TOMM7: variants seen among roughly 807,000 people sequenced by gnomAD.
TOMM7 encodes the protein translocase of outer mitochondrial membrane 7, also known as mitochondrial import receptor subunit TOM7 homolog.
A neutral mutation model predicts 9.5 loss-of-function variants in TOMM7; 8 were observed. The observed-to-expected ratio is 0.84, with a 90% confidence interval of 0.49 to 1.51. TOMM7 has a LOEUF of 1.51. Ranked by LOEUF, TOMM7 falls within the 40% of genes most tolerant of loss-of-function variation. The pLI is 0.00. For synonymous variants in TOMM7, 27 were observed against 21.4 expected (o/e 1.26, Z -0.72); for missense variants, 74 against 63.7 (o/e 1.16, Z -0.55).
intron 2 of TOMM7, among the ~76,000 whole-genome samples, chr7:22,813,476 G>A (rs1360325160): frequency 6.6e-6 from 1 of 152,160 alleles, no homozygotes; most frequent in South Asian, 2.1e-4. Flanking sequence ...TCCATTAACA[G>A]GTAGGCCTGA....
chr7:22,818,871 C>CA (rs71550499), intron 1 of TOMM7, among the ~76,000 whole-genome samples: 34,525 of 151,964 alleles, frequency 0.23, 4,308 homozygotes, highest in Middle Eastern at 0.34. Flanking sequence ...CTCAGCCTCT[C>CA]AAAGTGCTGG....
intron 2 of TOMM7, 48 bp from the exon 3 acceptor site, chr7:22,813,233 AT>A: frequency 1.3e-6 from 2 of 1,579,576 alleles, no homozygotes; most frequent in Non-Finnish European, 1.7e-6. Context: ...CGAAATAAAA[AT>A]CTTCTAGACA....
At chr7:22,821,576 C>G (rs182909506) in intron 1 of TOMM7, among the ~76,000 whole-genome samples, 1 of 151,940 alleles carries the variant, frequency 6.6e-6, no homozygotes. Context: ...AAGCAAAACC[C>G]CGTCTCTACT....
At chr7:22,819,954 C>A (rs1782365868) in intron 1 of TOMM7, among the ~76,000 whole-genome samples, 1 of 152,138 alleles carries the variant, frequency 6.6e-6, no homozygotes, top group Non-Finnish European at 1.5e-5. Flanking sequence ...CTCCCTGAAG[C>A]ACTGAAAGTT....
At chr7:22,818,270 C>A in intron 1 of TOMM7, 2 of 448,736 alleles carry the variant, frequency 4.5e-6, no homozygotes, top group Non-Finnish European at 8.2e-6. Flanking sequence ...AACAAGCTAT[C>A]TTATTCCTTT....
At chr7:22,817,293 C>T (rs1395908464) in intron 2 of TOMM7, 1 of 153,534 alleles carries the variant, frequency 6.5e-6, no homozygotes, top group East Asian at 1.9e-4. Context: ...AAGATCATTT[C>T]TGAGAAAGGA....
At chr7:22,822,226 C>A in intron 1 of TOMM7, 2 of 1,550,896 alleles carry the variant, frequency 1.3e-6, no homozygotes, top group Non-Finnish European at 1.7e-6. Flanking sequence ...AGGCATCCAA[C>A]GACTATTATT....
At position 22,818,000 on chromosome 7, in the gene TOMM7, C is replaced by A; in HGVS notation, c.152G>T (p.Ser51Ile). ...AAATGTTTAGTTTTAAGAGCAGTAC[C>A]TCAAAACAGTTGGTTCAGGCATTCC... is the stretch of plus-strand genomic sequence containing the variant. The part of the protein sequence containing the change: ...DPGMPEPTVL[S>I]LLWG The change falls in exon 2 of 3, where the codon AGC becomes ATC. Residue 51 changes from serine (S) to isoleucine (I), a missense_variant and splice_region_variant. Physicochemically the swap from Ser to Ile is moderately radical, Grantham distance 142 (BLOSUM62 -2). Coordinates refer to ENST00000358435, the MANE Select transcript of TOMM7 (RefSeq NM_019059.5). 1 of 1,613,820 alleles carries A rather than the reference C, an allele frequency of 6.2e-7. No individual in the cohort carries two copies.
intron 2 of TOMM7, among the ~76,000 whole-genome samples, chr7:22,816,508 G>GA (rs1782318838): frequency 6.6e-6 from 1 of 152,232 alleles, no homozygotes. Context: ...ACTTAGTGGG[G>GA]AATCTCTGAA....
At chr7:22,822,244 T>C (rs1782403231) in intron 1 of TOMM7, 6 of 1,550,886 alleles carry the variant, frequency 3.9e-6, no homozygotes, top group Non-Finnish European at 5.2e-6. Context: ...ATTATAATCA[T>C]GCTTTCATGG....
intron 1 of TOMM7, among the ~76,000 whole-genome samples, chr7:22,818,637 A>G (rs9647993): frequency 0.11 from 17,330 of 152,154 alleles, 1,091 homozygotes; most frequent in Non-Finnish European, 0.14. Flanking sequence ...CCTATTATAT[A>G]CACAATTGGC....
chr7:22,814,588 C>A (rs1415347383), intron 2 of TOMM7, among the ~76,000 whole-genome samples: 1 of 152,094 alleles, frequency 6.6e-6, no homozygotes, highest in Admixed American at 6.6e-5. Context: ...TCTTGCTCAG[C>A]CTTATGCAGA....
intron 2 of TOMM7, among the ~76,000 whole-genome samples, chr7:22,815,057 C>A (rs1238582026): frequency 6.6e-6 from 1 of 152,172 alleles, no homozygotes; most frequent in Non-Finnish European, 1.5e-5. Flanking sequence ...GGCACTCACT[C>A]ACTCAATTCT....
chr7:22,821,694 G>A (rs1340922172), intron 1 of TOMM7, among the ~76,000 whole-genome samples: 1 of 151,932 alleles, frequency 6.6e-6, no homozygotes, highest in Non-Finnish European at 1.5e-5. Flanking sequence ...AGATTGCGGT[G>A]GGCAGAGATC....
At chr7:22,820,231 CAAT>C (rs1287134422) in intron 1 of TOMM7, among the ~76,000 whole-genome samples, 1 of 152,128 alleles carries the variant, frequency 6.6e-6, no homozygotes, top group African/African-American at 2.4e-5. Flanking sequence ...AAGGAAAAGA[CAAT>C]GATAGACAAG....
intron 1 of TOMM7, among the ~76,000 whole-genome samples, chr7:22,821,783 G>C (rs1293757228): frequency 6.6e-6 from 1 of 151,860 alleles, no homozygotes; most frequent in Non-Finnish European, 1.5e-5. Flanking sequence ...GAAAAGAAAA[G>C]AAAAAACTAC....
chr7:22,817,899 G>A (rs955987562), intron 2 of TOMM7, 101 bp downstream of exon 2: 2 of 1,128,200 alleles, frequency 1.8e-6, no homozygotes. Flanking sequence ...GACTGATAAA[G>A]CTCCATTTCA....
chr7:22,818,240 C>T (rs1465315522), intron 1 of TOMM7, 192 bp from the exon 2 acceptor site: 3 of 529,416 alleles, frequency 5.7e-6, no homozygotes, highest in Non-Finnish European at 6.9e-6. Flanking sequence ...AAATTATGTC[C>T]AGGACTAATC....
chr7:22,819,031 G>A (rs1472948623), intron 1 of TOMM7, among the ~76,000 whole-genome samples: 1 of 151,524 alleles, frequency 6.6e-6, no homozygotes, highest in Non-Finnish European at 1.5e-5. Flanking sequence ...CGGGGGGGTT[G>A]GCGGCAGGGG....
Sources: allele counts gnomAD v4.1 joint callset (sites outside exome capture counted in the v4.1 genomes callset), GRCh38; gene constraint gnomAD v4.1.1; transcripts MANE v1.5; gene names NCBI Gene and HGNC (gene_info 2026-07-23, HGNC 2026-07-21).